Variants in KCNAB2 observed in about 807,000 individuals in gnomAD.
The protein encoded by KCNAB2 is voltage-gated potassium channel subunit beta-2.
Under a neutral mutation model 63.6 loss-of-function variants are expected in KCNAB2, and 29 were observed. The ratio of observed to expected loss-of-function variants is 0.46; its 90% CI spans 0.34 to 0.62. KCNAB2 has a LOEUF of 0.62. KCNAB2 is among the 20% of genes least tolerant of loss of function. The pLI, the probability that KCNAB2 is intolerant of heterozygous loss-of-function variation, is 0.01. For missense variants in KCNAB2, 359 were observed against 563.9 expected (o/e 0.64, Z 3.68); for synonymous variants, 222 against 224.2 (o/e 0.99, Z 0.09).
rs752342356 is a variant in KCNAB2, at chr1:6,087,936, C to T, written c.470+425C>T. Among the ~76,000 whole-genome samples, 6 of 152,170 alleles carry T rather than the reference C, an allele frequency of 3.9e-5. No homozygotes were observed. Among genetic ancestry groups the T allele is most frequent in the Non-Finnish European group, 7.3e-5 (5 of 68,038 alleles). On this transcript the variant is annotated intron_variant, in intron 7 of 15. Coordinates refer to ENST00000378083, the MANE Select transcript of KCNAB2 (RefSeq NM_001199862.2). This position sits in a 1 kb window ranked among gnomAD's most constrained non-coding sequence, Gnocchi z 6.4. ...CCAAAGCACTCCAAATTCCCTGGGC[C>T]GCCTGTCACCCCTGCAGGTCTCCAA...
Position 6,003,442 on chromosome 1 carries a change from C to T in KCNAB2, c.-53+10654C>T, listed in dbSNP as rs1303448616. Among the ~76,000 whole-genome samples, 1 of 152,228 alleles carries T rather than the reference C, an allele frequency of 6.6e-6. No homozygotes were observed. Among genetic ancestry groups the T allele is most frequent in the Non-Finnish European group, 1.5e-5 (1 of 68,032 alleles). On this transcript the variant is annotated intron_variant, in intron 1 of 16. Transcript: ENST00000341524. The surrounding 1 kb of genome is among the most constrained non-coding windows in gnomAD (Gnocchi z 4.1). ...CCCCTGCAGACACGCAGGCACCGTC[C>T]ACCTTCTCCACTCTTAGCGCGAGCC...
chr1:6,036,392 A>G (rs1660040477), intron 1 of KCNAB2, among the ~76,000 whole-genome samples: 1 of 152,034 alleles, frequency 6.6e-6, no homozygotes, highest in Non-Finnish European at 1.5e-5. Context: ...AATCCCAGCT[A>G]TTTGGGAGGC....
upstream of KCNAB2, among the ~76,000 whole-genome samples, chr1:6,044,401 G>C (rs530342163): frequency 6.6e-6 from 1 of 152,334 alleles, no homozygotes; most frequent in African/African-American, 2.4e-5. Flanking sequence ...GGCAGCAGGG[G>C]CTTGGATCTG....
At chr1:6,031,724 T>TA (rs60928974), upstream of KCNAB2, among the ~76,000 whole-genome samples, 217 of 146,330 alleles carry the variant, frequency 1.5e-3, 2 homozygotes, top group Admixed American at 3.7e-3. This position sits in a 1 kb window ranked among gnomAD's most constrained non-coding sequence, Gnocchi z 4.1. Flanking sequence ...TCATCTCTAT[T>TA]AAAAAAAAAA....
intron 2 of KCNAB2, among the ~76,000 whole-genome samples, chr1:6,058,912 G>A (rs1376831115): frequency 6.6e-6 from 1 of 152,154 alleles, no homozygotes; most frequent in Non-Finnish European, 1.5e-5. Flanking sequence ...GGCTTCTGCT[G>A]GCAGCGGGCA....
rs1304027746 is a variant in KCNAB2 at position 6,100,188 on chromosome 1, G to A, written c.*1614G>A. ...GGCCAAGGCCTGGGAAACTGTGAAAGTCAGAAAGGCCAGCGGGGAGAGGCT... is the reference window on the plus strand; with the variant it reads ...GGCCAAGGCCTGGGAAACTGTGAAAATCAGAAAGGCCAGCGGGGAGAGGCT... On this transcript the variant is annotated 3_prime_UTR_variant, in exon 16 of 16. Transcript: ENST00000378083. 27 of 1,181,212 alleles carry A rather than the reference G, an allele frequency of 2.3e-5. No individual in the cohort carries two copies. The highest frequency in any genetic ancestry group is 3.1e-5 in the African/African-American group (2 of 64,828). 73.2% of individuals were successfully genotyped at this position (1,181,212 alleles called of 1,614,324 possible).
rs144496797 is a variant in KCNAB2, at chr1:6,025,323, G to A, written c.-52-15194G>A. The stretch of plus-strand genomic sequence containing the variant: ...CCTGGGACCAGGGACTCAACACGGT[G>A]CAGGTGGCTGGCACCATGGGAGATG... On this transcript the variant is annotated intron_variant, in intron 1 of 16. Transcript: ENST00000341524. 2.5e-3 allele frequency among the ~76,000 whole-genome samples: 381 copies of A among 152,276 alleles called. 3 individuals are homozygous for A. Among genetic ancestry groups the A allele is most frequent in the African/African-American group, 8.9e-3 (371 of 41,544 alleles).
At chr1:6,013,775 T>G (rs1658327827) in intron 1 of KCNAB2, among the ~76,000 whole-genome samples, 1 of 151,780 alleles carries the variant, frequency 6.6e-6, no homozygotes, top group Non-Finnish European at 1.5e-5. Flanking sequence ...CTGCATTGCC[T>G]CGGAGACTCC....
At chr1:6,072,281 G>C (rs1044952683) in intron 2 of KCNAB2, among the ~76,000 whole-genome samples, 2 of 152,218 alleles carry the variant, frequency 1.3e-5, no homozygotes, top group African/African-American at 4.8e-5. Context: ...CCGAGGGACA[G>C]ATGCACAGGC....
chr1:6,012,835 C>CTG (rs1658269941), intron 1 of KCNAB2, among the ~76,000 whole-genome samples: 1 of 152,086 alleles, frequency 6.6e-6, no homozygotes, highest in Non-Finnish European at 1.5e-5. Context: ...TGGTCGTGAG[C>CTG]TGTGTGTGTG....
chr1:6,016,338 C>G (rs1658498904), intron 1 of KCNAB2, among the ~76,000 whole-genome samples: 1 of 152,194 alleles, frequency 6.6e-6, no homozygotes, highest in Non-Finnish European at 1.5e-5. Context: ...CCTGGCGGGT[C>G]CTTTCCTGGG....
rs532185477 is a variant in KCNAB2, at chr1:6,050,766, C to T, written c.-26-745C>T. ...CTTCACATAGAAACTTTGAAACTCC[C>T]CTGTCCCAACTAAGCCTATTTCCCC... On this transcript the variant is annotated intron_variant, in intron 1 of 15. Transcript: ENST00000378083. Among the ~76,000 whole-genome samples, 4 of 152,330 alleles carry T rather than the reference C, an allele frequency of 2.6e-5. No homozygotes were observed. The South Asian group carries it at 6.2e-4, about 24-fold the overall frequency.
chr1:6,012,073 G>A (rs1658184318), intron 1 of KCNAB2, among the ~76,000 whole-genome samples: 1 of 151,314 alleles, frequency 6.6e-6, no homozygotes, highest in African/African-American at 2.4e-5. Flanking sequence ...GAAGGTGGAG[G>A]TGATGAAGGT....
At position 6,100,326 on chromosome 1, in the gene KCNAB2, C is replaced by T; in HGVS notation, c.*1752C>T. 1 of 332,630 alleles carries T rather than the reference C, an allele frequency of 3.0e-6. No homozygotes were observed. 20.6% of individuals were successfully genotyped at this position (332,630 alleles called of 1,614,324 possible). ...ATAGACCAAGTCCCGGGGGTCTCCA[C>T]TCAGTCCTGCTGCCTGCTTCACCAG... On this transcript the variant is annotated 3_prime_UTR_variant, in exon 16 of 16. Transcript: ENST00000378083.
chr1:6,092,869 G>A (rs906590716), intron 10 of KCNAB2, among the ~76,000 whole-genome samples: 6 of 152,344 alleles, frequency 3.9e-5, no homozygotes, highest in South Asian at 2.1e-4. Flanking sequence ...GCCTGCAAGC[G>A]TGGAAGCCAA....
chr1:6,086,241 C>T lies in KCNAB2; in HGVS notation c.425+993C>T. 2 of 984,718 alleles carry T rather than the reference C, an allele frequency of 2.0e-6. No homozygotes were observed. The highest frequency in any genetic ancestry group is 2.4e-6 in the Non-Finnish European group (2 of 829,340). 61.0% of individuals were successfully genotyped at this position (984,718 alleles called of 1,614,324 possible). On this transcript the variant is annotated intron_variant, in intron 6 of 15. Transcript: ENST00000378083. The surrounding 1 kb of genome is among the most constrained non-coding windows in gnomAD (Gnocchi z 4.2). ...TCAGAATCCCAGTGCCAAGGGGAGC[C>T]CCCGCCCCCTCCCCCATGGATTCCT...
chr1:6,007,819 C>T lies in KCNAB2; in HGVS notation c.-53+15031C>T, dbSNP rs556848287. On this transcript the variant is annotated intron_variant, in intron 1 of 16. Coordinates refer to the KCNAB2 transcript ENST00000341524. ...GAACCTCCCCTCCCGTCCCTGTGCC[C>T]GCCGCTTCCCTTGGCCCTCACTGAT... is the stretch of plus-strand genomic sequence containing the variant. Among the ~76,000 whole-genome samples the T allele has an allele frequency of 5.9e-5, 9 of 152,346 alleles. No homozygotes were observed. In the South Asian group the frequency reaches 8.3e-4, roughly 14 times the overall value.
rs746251226 is a variant in KCNAB2 at position 6,083,080 on chromosome 1, G to A, written c.380+806G>A. Among the ~76,000 whole-genome samples, 35 of 152,110 alleles carry A rather than the reference G, an allele frequency of 2.3e-4. 1 individual carries two copies. The highest frequency in any genetic ancestry group is 1.2e-3 in the Admixed American group (18 of 15,270). On this transcript the variant is annotated intron_variant, in intron 5 of 15. Transcript: ENST00000378083. Reference sequence around the variant, plus strand: ...AGCCTGGGGAGCGCACAGCCCTGGGGGCTGCCGCTGGGACCCTCAAACCGC... The same window carrying A: ...AGCCTGGGGAGCGCACAGCCCTGGGAGCTGCCGCTGGGACCCTCAAACCGC...
chr1:6,042,833 C>A (rs1660605150), upstream of KCNAB2, among the ~76,000 whole-genome samples: 1 of 57,912 alleles, frequency 1.7e-5, no homozygotes, highest in African/African-American at 7.9e-5. Flanking sequence ...TCCCCGCGCC[C>A]CCACTCCCCA....
Sources: gnomAD v4.1 joint callset for allele counts (sites outside exome capture counted in the v4.1 genomes callset) on GRCh38, gnomAD v4.1.1 for gene constraint, Gnocchi (gnomAD v3.1) non-coding constraint, MANE v1.5 for transcripts, NCBI Gene and HGNC (gene_info 2026-07-23, HGNC 2026-07-21) for gene names.